Variants in PDLIM5 observed in about 807,000 individuals in gnomAD.
PDLIM5 encodes PDZ and LIM domain protein 5.
In PDLIM5, 34 loss-of-function variants were observed where a neutral mutation model predicts 64.2. The ratio of observed to expected loss-of-function variants is 0.53; its 90% confidence interval spans 0.40 to 0.71. The LOEUF (loss-of-function observed/expected upper bound fraction) is 0.71, where lower values mean the gene tolerates loss of function less well. PDLIM5 is among the 30% of genes least tolerant of loss of function. The pLI is 0.00. For missense variants in PDLIM5, 683 were observed against 733.6 expected (o/e 0.93, Z 0.80); for synonymous variants, 253 against 269.1 (o/e 0.94, Z 0.59).
At chr4:94,588,930 T>C (rs993130246) in intron 7 of PDLIM5, among the ~76,000 whole-genome samples, 1 of 152,248 alleles carries the variant, frequency 6.6e-6, no homozygotes, top group Admixed American at 6.5e-5. Flanking sequence ...ATTTCTAGTA[T>C]ACCTCATGAT....
intron 8 of PDLIM5, among the ~76,000 whole-genome samples, chr4:94,621,061 ACT>A (rs1739190143): frequency 9.7e-6 from 1 of 103,066 alleles, no homozygotes; most frequent in Non-Finnish European, 1.8e-5. Flanking sequence ...GCAGAGTGAG[ACT>A]CTGTCTCAAA....
At chr4:94,654,769 T>G in intron 10 of PDLIM5, 129 bp downstream of exon 10, 1 of 627,128 alleles carries the variant, frequency 1.6e-6, no homozygotes, top group Non-Finnish European at 2.8e-6. Context: ...TCGGCACTAT[T>G]TATTATTGTA....
At chr4:94,588,489 G>A (rs1369752411) in intron 7 of PDLIM5, among the ~76,000 whole-genome samples, 2 of 152,050 alleles carry the variant, frequency 1.3e-5, no homozygotes, top group African/African-American at 4.8e-5. Flanking sequence ...CTTGAACCCG[G>A]GAGGCGAAGG....
At chr4:94,624,803 T>C (rs1012411500) in intron 8 of PDLIM5, among the ~76,000 whole-genome samples, 2 of 152,100 alleles carry the variant, frequency 1.3e-5, no homozygotes, top group African/African-American at 2.4e-5. Flanking sequence ...AGAGAGAAGG[T>C]TGGCTGCATT....
At chr4:94,533,938 G>A (rs538606623) in intron 3 of PDLIM5, among the ~76,000 whole-genome samples, 1 of 152,322 alleles carries the variant, frequency 6.6e-6, no homozygotes, top group East Asian at 1.9e-4. Context: ...AGTCAAATGA[G>A]TGATTTTGGA....
chr4:94,518,685 A>C (rs540854534), intron 2 of PDLIM5, among the ~76,000 whole-genome samples: 2 of 152,206 alleles, frequency 1.3e-5, no homozygotes, highest in Non-Finnish European at 2.9e-5. Flanking sequence ...AAAACATAGA[A>C]TCTTCTCTTT....
chr4:94,531,968 C>G (rs772608200), intron 3 of PDLIM5, among the ~76,000 whole-genome samples: 3 of 151,958 alleles, frequency 2.0e-5, no homozygotes, highest in Non-Finnish European at 4.4e-5. Context: ...TAATGGGCCA[C>G]TAGATAGAAA....
intron 8 of PDLIM5, among the ~76,000 whole-genome samples, chr4:94,623,029 A>G (rs911914861): frequency 2.0e-5 from 3 of 152,140 alleles, no homozygotes; most frequent in African/African-American, 7.2e-5. Context: ...ATTCTTGTGA[A>G]ATCAAATGAT....
At chr4:94,613,530 C>G (rs547303595) in intron 7 of PDLIM5, among the ~76,000 whole-genome samples, 1 of 152,206 alleles carries the variant, frequency 6.6e-6, no homozygotes, top group Middle Eastern at 3.4e-3. Flanking sequence ...AACTTTTGCT[C>G]TATTAGTGTA....
At chr4:94,620,467 G>T (rs1739130019) in intron 8 of PDLIM5, among the ~76,000 whole-genome samples, 1 of 151,902 alleles carries the variant, frequency 6.6e-6, no homozygotes, top group South Asian at 2.1e-4. Flanking sequence ...AGCTCAGGAA[G>T]TTGAGGCTAC....
At position 94,575,869 on chromosome 4, in the gene PDLIM5, A is replaced by C. The variant is rs1382089057; in HGVS notation, c.545A>C (p.Asn182Thr). ...TTCGCTGCATCTGGACTGCATGCTAATGCCAATCTTAGTGCTGACCAGTCT... is the reference window on the plus strand; with the variant it reads ...TTCGCTGCATCTGGACTGCATGCTACTGCCAATCTTAGTGCTGACCAGTCT... ...PLFAASGLHA[N>T]ANLSADQSPS... Residue 182 changes from asparagine to threonine, a missense_variant, in exon 5 of 13, where the codon AAT becomes ACT. By Grantham distance (65) the Asn-to-Thr change is moderately conservative. Coordinates refer to ENST00000317968, the MANE Select transcript of PDLIM5 (RefSeq NM_006457.5). 3 of 1,614,116 alleles carry C rather than the reference A, an allele frequency of 1.9e-6. No individual in the cohort carries two copies. The highest frequency in any genetic ancestry group is 2.5e-6 in the Non-Finnish European group (3 of 1,180,010).
chr4:94,452,614 A>G (rs906130307), intron 1 of PDLIM5, among the ~76,000 whole-genome samples: 4 of 152,206 alleles, frequency 2.6e-5, no homozygotes, highest in Non-Finnish European at 4.4e-5. Flanking sequence ...ATTTGTTAAC[A>G]CTTGAGTACT....
At chr4:94,534,845 G>A (rs1289114960) in intron 3 of PDLIM5, among the ~76,000 whole-genome samples, 3 of 152,092 alleles carry the variant, frequency 2.0e-5, no homozygotes, top group Non-Finnish European at 4.4e-5. Flanking sequence ...GTAGGTAGTC[G>A]GGTAACTACT....
chr4:94,575,527 T>G, intron 4 of PDLIM5, 89 bp from the exon 5 acceptor site: 1 of 928,626 alleles, frequency 1.1e-6, no homozygotes, highest in South Asian at 1.7e-5. Flanking sequence ...GTTTGTCTTT[T>G]AAAAAATCAG....
chr4:94,501,560 A>G (rs912605841), intron 2 of PDLIM5, among the ~76,000 whole-genome samples: 3 of 152,196 alleles, frequency 2.0e-5, no homozygotes, highest in Non-Finnish European at 2.9e-5. Flanking sequence ...GAATCTAATA[A>G]TAAGAATTTG....
chr4:94,640,002 G>C (rs1740869776), intron 8 of PDLIM5, among the ~76,000 whole-genome samples: 1 of 151,744 alleles, frequency 6.6e-6, no homozygotes, highest in Non-Finnish European at 1.5e-5. Context: ...ACTCCAGCCT[G>C]GGCAACAAGA....
At chr4:94,479,313 T>C in intron 2 of PDLIM5, among the ~76,000 whole-genome samples, 1 of 142,178 alleles carries the variant, frequency 7.0e-6, no homozygotes, top group East Asian at 2.1e-4. Context: ...GGAATTTTTA[T>C]AAGGAGAGCT....
chr4:94,657,298 A>T (rs1742286082), intron 10 of PDLIM5, 129 bp from the exon 11 acceptor site: 2 of 594,160 alleles, frequency 3.4e-6, no homozygotes, highest in Non-Finnish European at 6.0e-6. Context: ...AAAGCTCAAG[A>T]CAAAAATGAA....
intron 8 of PDLIM5, among the ~76,000 whole-genome samples, chr4:94,639,872 A>G (rs1191785080): frequency 6.6e-6 from 1 of 152,124 alleles, no homozygotes; most frequent in African/African-American, 2.4e-5. Context: ...TACTAAAAAT[A>G]CAAAATTAGC....
Sources: allele counts gnomAD v4.1 joint callset (sites outside exome capture counted in the v4.1 genomes callset), GRCh38; gene constraint gnomAD v4.1.1; transcripts MANE v1.5; gene names NCBI Gene and HGNC (gene_info 2026-07-23, HGNC 2026-07-21).